OTOGL: variants seen among roughly 807,000 people sequenced by gnomAD.
The protein encoded by OTOGL is otogelin-like protein.
Under a neutral mutation model 318.5 loss-of-function variants are expected in OTOGL, and 285 were observed. The ratio of observed to expected loss-of-function variants is 0.89; its 90% CI spans 0.81 to 0.99. The LOEUF is 0.99. Among genes scored for constraint, OTOGL ranks in the 50% least tolerant of loss-of-function variants. The probability of loss-of-function intolerance (pLI) is 0.00; values close to 1 mark genes in which losing one functional copy is unlikely to be tolerated. For synonymous variants in OTOGL, 987 were observed against 936.5 expected, an observed-to-expected ratio of 1.05 and a Z score of -0.99; for missense variants, 2,899 against 2,845.6, an observed-to-expected ratio of 1.02 and a Z score of -0.43.
intron 54 of OTOGL, 31 bp downstream of exon 54, chr12:80,367,770 G>A (rs1890639702): frequency 7.7e-7 from 1 of 1,298,388 alleles, no homozygotes; most frequent in Non-Finnish European, 1.0e-6. Context: ...ATTCTGGTGA[G>A]AGTTAATGCA....
chr12:80,142,396 A>G (rs1872009758), intron 1 of OTOGL, among the ~76,000 whole-genome samples: 2 of 152,158 alleles, frequency 1.3e-5, no homozygotes, highest in Admixed American at 6.6e-5. Context: ...GAAGAAACAT[A>G]GTGAAAGTTC....
intron 57 of OTOGL, among the ~76,000 whole-genome samples, chr12:80,374,063 AG>A (rs1254393658): frequency 6.6e-6 from 1 of 152,206 alleles, no homozygotes; most frequent in Non-Finnish European, 1.5e-5. Flanking sequence ...ATTAGTTTGC[AG>A]GGCTGCTGTA....
chr12:80,151,302 G>A (rs563586908), intron 1 of OTOGL, among the ~76,000 whole-genome samples: 34 of 152,252 alleles, frequency 2.2e-4, no homozygotes, highest in Admixed American at 5.2e-4. Context: ...AAGGCAAGAC[G>A]AGCCTAAAGT....
At chr12:80,314,725 A>C (rs1886863880) in intron 32 of OTOGL, among the ~76,000 whole-genome samples, 3 of 152,130 alleles carry the variant, frequency 2.0e-5, no homozygotes, top group African/African-American at 4.8e-5. Flanking sequence ...CTTATTTTTA[A>C]ATTGACAAAT....
intron 11 of OTOGL, among the ~76,000 whole-genome samples, chr12:80,244,035 C>A (rs930891580): frequency 4.6e-5 from 7 of 151,248 alleles, no homozygotes; most frequent in Non-Finnish European, 8.8e-5. Flanking sequence ...AATTCCAACT[C>A]AGAATATCTT....
Position 80,328,650 on chromosome 12 carries a change from T to C in OTOGL, c.4200-15T>C, listed in dbSNP as rs1036348804. The C allele has an allele frequency of 5.1e-6, 8 of 1,563,518 alleles. No homozygotes were observed. The highest frequency in any genetic ancestry group is 1.1e-5 in the South Asian group (1 of 87,578). On this transcript the variant is annotated splice_polypyrimidine_tract_variant and intron_variant, in intron 35 of 58. Transcript: ENST00000547103. ...ACTTTTCTTCACTTTGATTTACTCT[T>C]TTTTCCATGTAAAGGGTTGAAGGAT...
chr12:80,217,777 G>A, intron 5 of OTOGL, 113 bp downstream of exon 5: 1 of 737,722 alleles, frequency 1.4e-6, no homozygotes, highest in Non-Finnish European at 2.2e-6. Context: ...AAGTGAGCCA[G>A]GATGGTAGTA....
chr12:80,318,808 G>A (rs938920160), intron 33 of OTOGL, 95 bp downstream of exon 33: 4 of 974,064 alleles, frequency 4.1e-6, no homozygotes, highest in Non-Finnish European at 5.3e-6. Context: ...TATGTTTATG[G>A]TATTTTTTAA....
chr12:80,226,370 A>G (rs1430977512), intron 7 of OTOGL, among the ~76,000 whole-genome samples: 1 of 152,112 alleles, frequency 6.6e-6, no homozygotes, highest in African/African-American at 2.4e-5. Context: ...ATATTTTTCT[A>G]GAGTAAACAG....
intron 33 of OTOGL, 121 bp from the exon 34 acceptor site, chr12:80,320,301 G>T: frequency 4.9e-6 from 4 of 820,970 alleles, no homozygotes; most frequent in Non-Finnish European, 5.2e-6. Context: ...CTTAGTTATT[G>T]GCACTAATTA....
intron 29 of OTOGL, among the ~76,000 whole-genome samples, chr12:80,306,631 T>G (rs1056462726): frequency 4.6e-5 from 7 of 152,258 alleles, no homozygotes; most frequent in Admixed American, 1.3e-4. Context: ...AGTGTACCTT[T>G]TAATATCTAA....
Position 80,329,139 on chromosome 12 carries a change from C to T in OTOGL, c.4348+20C>T, listed in dbSNP as rs972294796. The T allele has an allele frequency of 6.8e-7, 1 of 1,474,028 alleles. No individual in the cohort carries two copies. Among genetic ancestry groups the T allele is most frequent in the African/African-American group, 1.4e-5 (1 of 69,386 alleles). The allele number at this position is 1,474,028 out of a possible 1,614,324, so 91.3% of individuals were successfully genotyped here. A position where few individuals can be genotyped will look rare whatever the true frequency, so the allele number is the denominator to read the frequency against. On this transcript the variant is annotated intron_variant, in intron 37 of 58. Coordinates refer to ENST00000547103, the MANE Select transcript of OTOGL (RefSeq NM_001378609.3). ...TTACAGGTATTGTTATAATTTTAGA[C>T]AACAAAAGTAGCACTATGTAGTTTA... is the stretch of plus-strand genomic sequence containing the variant.
chr12:80,256,816 T>C (rs998719551), intron 17 of OTOGL, among the ~76,000 whole-genome samples: 1 of 152,080 alleles, frequency 6.6e-6, no homozygotes, highest in Non-Finnish European at 1.5e-5. Context: ...CAGGAGTGTT[T>C]TCTGAAAGAG....
intron 9 of OTOGL, among the ~76,000 whole-genome samples, chr12:80,236,119 G>A (rs1040639782): frequency 9.9e-5 from 15 of 152,110 alleles, no homozygotes; most frequent in African/African-American, 2.4e-4. Flanking sequence ...ATCCTTCAGG[G>A]ATGACTTCAC....
At chr12:80,374,356 A>G (rs1249654068) in intron 57 of OTOGL, among the ~76,000 whole-genome samples, 2 of 152,158 alleles carry the variant, frequency 1.3e-5, no homozygotes, top group African/African-American at 4.8e-5. Flanking sequence ...CTTGTGTCCA[A>G]ATAAGATCAC....
At chr12:80,184,571 G>A (rs1875154235) in intron 1 of OTOGL, among the ~76,000 whole-genome samples, 1 of 152,144 alleles carries the variant, frequency 6.6e-6, no homozygotes, top group African/African-American at 2.4e-5. Flanking sequence ...TTAAGGCTGG[G>A]AGGAGGAAGA....
At chr12:80,282,301 A>C (rs1438453551) in intron 26 of OTOGL, among the ~76,000 whole-genome samples, 1 of 151,950 alleles carries the variant, frequency 6.6e-6, no homozygotes, top group East Asian at 1.9e-4. Context: ...AGTCAAGAAA[A>C]CAGACTATCT....
intron 57 of OTOGL, 60 bp from the exon 58 acceptor site, chr12:80,377,062 TA>T: frequency 8.6e-7 from 1 of 1,167,880 alleles, no homozygotes. Context: ...TTCATATATT[TA>T]ATTTAAGAAA....
chr12:80,349,307 T>C (rs897672866), intron 44 of OTOGL, among the ~76,000 whole-genome samples: 1 of 152,190 alleles, frequency 6.6e-6, no homozygotes, highest in Non-Finnish European at 1.5e-5. Context: ...ATTAGCTCAT[T>C]TAATTTTCAC....
Sources: gnomAD v4.1 joint callset for allele counts (sites outside exome capture counted in the v4.1 genomes callset) on GRCh38, gnomAD v4.1.1 for gene constraint, MANE v1.5 for transcripts, NCBI Gene and HGNC (gene_info 2026-07-23, HGNC 2026-07-21) for gene names.